ACTL6A: variants seen among roughly 807,000 people sequenced by gnomAD.
ACTL6A encodes the protein actin like 6A.
A neutral mutation model predicts 59.2 loss-of-function variants in ACTL6A; 5 were observed. The ratio of observed to expected loss-of-function variants is 0.08; its 90% confidence interval spans 0.04 to 0.18. The LOEUF (loss-of-function observed/expected upper bound fraction) is 0.18, where lower values mean the gene tolerates loss of function less well. Among genes scored for constraint, ACTL6A ranks in the 10% least tolerant of loss-of-function variants. ACTL6A has a pLI of 1.00. For synonymous variants in ACTL6A, 154 were observed against 171.8 expected, an observed-to-expected ratio of 0.90 and a Z score of 0.81; for missense variants, 285 against 526.9, an observed-to-expected ratio of 0.54 and a Z score of 4.49.
chr3:179,585,764 GA>G (rs1385495423), intron 12 of ACTL6A, among the ~76,000 whole-genome samples: 2 of 151,786 alleles, frequency 1.3e-5, no homozygotes, highest in East Asian at 3.9e-4. Context: ...GTAAGAGAAA[GA>G]AAAAAACCTC....
At chr3:179,580,175 G>C (rs892574916) in intron 8 of ACTL6A, among the ~76,000 whole-genome samples, 5 of 152,186 alleles carry the variant, frequency 3.3e-5, no homozygotes, top group Non-Finnish European at 1.5e-5. Context: ...TATTAGACAA[G>C]ATTTTTCTAG....
rs373167296 is a variant in ACTL6A, at chr3:179,576,737, A to G, written c.678+11A>G. 6 of 1,610,160 alleles carry G rather than the reference A, an allele frequency of 3.7e-6. No homozygotes were observed. The African/African-American group carries it at 8.0e-5, about 22-fold the overall frequency. ...ATGATTGCATCAAAAGTAAGTAATT[A>G]TTGAATTTTCTTTGTAGAACTTACT... On this transcript the variant is annotated intron_variant, in intron 7 of 13. Coordinates refer to ENST00000429709, the MANE Select transcript of ACTL6A (RefSeq NM_004301.5).
rs1229992446 is a variant in ACTL6A, at chr3:179,570,257, C to T, written c.277+16C>T. ...AATGGGATGGGTATGATGTTTTCCC[C>T]ATGGAATTGATTATGGAGTGTACAT... On this transcript the variant is annotated intron_variant, in intron 3 of 13. Coordinates refer to ENST00000429709, the MANE Select transcript of ACTL6A (RefSeq NM_004301.5). The surrounding 1 kb of genome is among the most constrained non-coding windows in gnomAD (Gnocchi z 4.3). The T allele has an allele frequency of 1.2e-6, 2 of 1,603,886 alleles. No homozygotes were observed. The highest frequency in any genetic ancestry group is 1.7e-6 in the Non-Finnish European group (2 of 1,174,432).
intron 12 of ACTL6A, 97 bp downstream of exon 12, chr3:179,583,545 A>G (rs985310566): frequency 6.0e-5 from 55 of 912,792 alleles, no homozygotes; most frequent in Non-Finnish European, 8.8e-5. Flanking sequence ...CAATAGATAC[A>G]TGATATTTTG....
chr3:179,563,113 G>A lies in ACTL6A; in HGVS notation c.21G>A (p.Gly7=). MSGGVY[G]GDEVGALVFD... Reference sequence around the variant, plus strand: ...CAGCCATGAGCGGCGGCGTGTACGGGGGAGGTGAGTGAGTGCGGCCGGACG... The same window carrying A: ...CAGCCATGAGCGGCGGCGTGTACGGAGGAGGTGAGTGAGTGCGGCCGGACG... The change falls in exon 1 of 14, where the codon GGG becomes GGA. Residue 7 remains glycine (G), a synonymous_variant. Coordinates refer to ENST00000429709, the MANE Select transcript of ACTL6A (RefSeq NM_004301.5). The A allele has an allele frequency of 1.2e-6, 2 of 1,612,588 alleles. No homozygotes were observed. The highest frequency in any genetic ancestry group is 1.7e-6 in the Non-Finnish European group (2 of 1,179,592).
At position 179,588,051 on chromosome 3, in the gene ACTL6A, C is replaced by T. The variant is rs371244209; in HGVS notation, c.*41C>T. The T allele has an allele frequency of 1.6e-5, 23 of 1,430,570 alleles. No individual in the cohort carries two copies. Among genetic ancestry groups the T allele is most frequent in the African/African-American group, 7.3e-5 (5 of 68,706 alleles). 88.6% of individuals were successfully genotyped at this position (1,430,570 alleles called of 1,614,324 possible). ...CTTCTACCTTCCTTTTGTCACCTTACGTTTCATAGCTTTAGTATACTCAGG... is the reference window on the plus strand; with the variant it reads ...CTTCTACCTTCCTTTTGTCACCTTATGTTTCATAGCTTTAGTATACTCAGG... On this transcript the variant is annotated 3_prime_UTR_variant, in exon 14 of 14. Transcript: ENST00000429709.
At chr3:179,572,804 C>G (rs370296755) in intron 3 of ACTL6A, among the ~76,000 whole-genome samples, 15 of 149,092 alleles carry the variant, frequency 1.0e-4, no homozygotes, top group African/African-American at 3.7e-4. Context: ...GACTCCATCT[C>G]AAAAAAAAGA....
intron 8 of ACTL6A, 55 bp from the exon 9 acceptor site, chr3:179,580,585 T>C: frequency 1.6e-6 from 2 of 1,217,666 alleles, no homozygotes; most frequent in Non-Finnish European, 1.2e-6. Context: ...TATAAAAGTA[T>C]AGATTACAAA....
chr3:179,582,090 T>G (rs1292559940), intron 11 of ACTL6A, among the ~76,000 whole-genome samples: 1 of 152,254 alleles, frequency 6.6e-6, no homozygotes, highest in Non-Finnish European at 1.5e-5. Context: ...TACTTTATTT[T>G]ACCTTTATTT....
intron 1 of ACTL6A, among the ~76,000 whole-genome samples, chr3:179,563,487 C>T (rs1283832384): frequency 1.3e-5 from 2 of 152,234 alleles, no homozygotes; most frequent in Non-Finnish European, 2.9e-5. Context: ...CGAGTGCCTC[C>T]TGGACTCAGC....
rs1049210126 is a variant in ACTL6A, at chr3:179,564,361, C to T, written c.25+1244C>T. On this transcript the variant is annotated intron_variant, in intron 1 of 13. Coordinates refer to ENST00000429709, the MANE Select transcript of ACTL6A (RefSeq NM_004301.5). ...GTTCCCCAAGAAAATCACATCACCC[C>T]TAAACTTGGAAGGAGAAAAACATTA... Among the ~76,000 whole-genome samples, 9 of 152,274 alleles carry T rather than the reference C, an allele frequency of 5.9e-5. No individual in the cohort carries two copies. The East Asian group carries it at 1.7e-3, about 29-fold the overall frequency.
At chr3:179,569,693 G>C (rs1717944626) in intron 1 of ACTL6A, 131 bp from the exon 2 acceptor site, 1 of 752,264 alleles carries the variant, frequency 1.3e-6, no homozygotes, top group Non-Finnish European at 2.2e-6. Flanking sequence ...GAAATTCATT[G>C]TAGTCCCAGC....
intron 5 of ACTL6A, among the ~76,000 whole-genome samples, chr3:179,575,951 C>T (rs1718154441): frequency 6.6e-6 from 1 of 152,166 alleles, no homozygotes; most frequent in South Asian, 2.1e-4. Flanking sequence ...TTAATTTTGA[C>T]CAGCTTAATA....
At chr3:179,576,950 G>A (rs1467558649) in intron 8 of ACTL6A, 37 bp downstream of exon 8, 6 of 1,552,730 alleles carry the variant, frequency 3.9e-6, no homozygotes, top group Non-Finnish European at 1.8e-6. Flanking sequence ...AAATGTTACA[G>A]GCTTTTTGCA....
At position 179,563,176 on chromosome 3, in the gene ACTL6A, G is replaced by A. The variant is rs1466466440; in HGVS notation, c.25+59G>A. The A allele has an allele frequency of 2.0e-5, 31 of 1,560,164 alleles. 2 individuals are homozygous for A. In the African/African-American group the frequency reaches 3.1e-4, roughly 16 times the overall value. The stretch of plus-strand genomic sequence containing the variant: ...TTTTCGGCGTGTGGGGTTTGTAACC[G>A]CCGCTCCCAGCCCTCCCCTCCCCGG... On this transcript the variant is annotated intron_variant, in intron 1 of 13. Transcript: ENST00000429709.
In ACTL6A at chr3:179,563,031, C is replaced by T. The variant is rs942019979; in HGVS notation, c.-62C>T. ...GCTATCGCTCCTCGAGACTCGCAGTCGCGGCCACTGCAGTCACTTCGCCAG... is the reference window on the plus strand; with the variant it reads ...GCTATCGCTCCTCGAGACTCGCAGTTGCGGCCACTGCAGTCACTTCGCCAG... On this transcript the variant is annotated 5_prime_UTR_variant, in exon 1 of 14. Transcript: ENST00000429709. 3.1e-6 allele frequency: 5 copies of T among 1,590,752 alleles called. No homozygotes were observed. Among genetic ancestry groups the T allele is most frequent in the Non-Finnish European group, 2.6e-6 (3 of 1,169,020 alleles).
rs1717983030 is a variant in ACTL6A, at chr3:179,570,844, C to A, written c.277+603C>A. Among the ~76,000 whole-genome samples, 1 of 152,116 alleles carries A rather than the reference C, an allele frequency of 6.6e-6. No homozygotes were observed. The highest frequency in any genetic ancestry group is 1.5e-5 in the Non-Finnish European group (1 of 68,020). On this transcript the variant is annotated intron_variant, in intron 3 of 13. Transcript: ENST00000429709. The surrounding 1 kb of genome is among the most constrained non-coding windows in gnomAD (Gnocchi z 4.3). ...TAAACCATCCCAGGGTTGTATTAAG[C>A]TAGTGACTGAAGGATAACCCCAAAG...
Position 179,580,935 on chromosome 3 carries a change from A to C in ACTL6A, c.872A>C (p.Asn291Thr). 6.3e-7 allele frequency: 1 copy of C among 1,586,772 alleles called. No homozygotes were observed. The highest frequency in any genetic ancestry group is 8.5e-7 in the Non-Finnish European group (1 of 1,173,860). The change falls in exon 10 of 14, where the codon AAT (asparagine) becomes ACT (threonine). Residue 291 changes from asparagine to threonine, a missense_variant. Asn to Thr is a moderately conservative substitution (Grantham distance 65, BLOSUM62 0). Transcript: ENST00000429709. ...CCAACTGTTCATTATGAATTCCCCA[A>C]TGGCTACAATTGTGATTTTGGTGCA... Reference protein sequence around the residue: ...QMPTVHYEFPNGYNCDFGAER... With the variant: ...QMPTVHYEFPTGYNCDFGAER...
rs778925688 is a variant in ACTL6A at position 179,570,099 on chromosome 3, A to G, written c.135A>G (p.Val45=). ...VDFPTAIGMV[V]ERDDGSTLME... ...TTCCTACAGCTATTGGTATGGTGGT[A>G]GAAAGAGATGACGGAAGCACATTAA... The change falls in exon 3 of 14, where the codon GTA becomes GTG. Residue 45 remains valine (V), a synonymous_variant. Transcript: ENST00000429709. This position sits in a 1 kb window ranked among gnomAD's most constrained non-coding sequence, Gnocchi z 4.3. 8.1e-6 allele frequency: 13 copies of G among 1,614,072 alleles called. No homozygotes were observed. The African/African-American group carries it at 1.5e-4, about 18-fold the overall frequency.
Sources: allele counts gnomAD v4.1 joint callset (sites outside exome capture counted in the v4.1 genomes callset), GRCh38; gene constraint gnomAD v4.1.1; non-coding constraint Gnocchi (gnomAD v3.1); transcripts MANE v1.5; gene names NCBI Gene and HGNC (gene_info 2026-07-23, HGNC 2026-07-21).